Variants in CADM2 observed in about 807,000 individuals in gnomAD.
CADM2 encodes the protein immunoglobulin superfamily member 4D.
In CADM2, 12 loss-of-function variants were observed where a neutral mutation model predicts 49.8. That is an observed-to-expected ratio of 0.24 (90% CI 0.15 to 0.39). The LOEUF (loss-of-function observed/expected upper bound fraction) is 0.39, where lower values mean the gene tolerates loss of function less well. Ranked by LOEUF, CADM2 falls within the 10% of genes least tolerant of loss-of-function variation. The pLI, the probability that CADM2 is intolerant of heterozygous loss-of-function variation, is 1.00. For missense variants in CADM2, 378 were observed against 492.3 expected (o/e 0.77, Z 2.20); for synonymous variants, 214 against 175.4 (o/e 1.22, Z -1.74).
intron 1 of CADM2, among the ~76,000 whole-genome samples, chr3:85,129,277 A>G (rs2039147604): frequency 6.6e-6 from 1 of 152,146 alleles, no homozygotes; most frequent in Admixed American, 6.5e-5. Flanking sequence ...ATCCTCCTTA[A>G]ATAATAATCT....
chr3:85,133,323 C>A (rs1186856021), intron 1 of CADM2, among the ~76,000 whole-genome samples: 1 of 152,168 alleles, frequency 6.6e-6, no homozygotes, highest in Non-Finnish European at 1.5e-5. Context: ...ATTGGTAGAG[C>A]CCAGTGGTCT....
chr3:85,122,914 C>T (rs1385797494), intron 1 of CADM2, among the ~76,000 whole-genome samples: 1 of 152,046 alleles, frequency 6.6e-6, no homozygotes, highest in Non-Finnish European at 1.5e-5. Flanking sequence ...AGAAAAGCTT[C>T]CATTAAACCT....
chr3:85,554,551 GTAGA>G (rs2061899897), intron 1 of CADM2, among the ~76,000 whole-genome samples: 1 of 152,188 alleles, frequency 6.6e-6, no homozygotes, highest in Non-Finnish European at 1.5e-5. Context: ...TCAGCATTAA[GTAGA>G]GATGTACAGG....
chr3:85,647,393 G>A (rs1242882232), intron 1 of CADM2, among the ~76,000 whole-genome samples: 4 of 151,178 alleles, frequency 2.6e-5, no homozygotes, highest in African/African-American at 9.7e-5. Context: ...TATACTAGAT[G>A]CCAGGAGTTT....
At chr3:85,712,232 TTCTC>T (rs1397560122) in intron 1 of CADM2, among the ~76,000 whole-genome samples, 1 of 152,192 alleles carries the variant, frequency 6.6e-6, no homozygotes, top group East Asian at 1.9e-4. Flanking sequence ...CATATAGTCT[TTCTC>T]CTAAAATAGT....
Position 85,920,444 on chromosome 3 carries a change from T to G in CADM2, c.700+7901T>G, listed in dbSNP as rs573466809. 3.9e-5 allele frequency among the ~76,000 whole-genome samples: 6 copies of G among 151,978 alleles called. No homozygotes were observed. The East Asian group carries it at 1.2e-3, about 29-fold the overall frequency. The stretch of plus-strand genomic sequence containing the variant: ...TTTAGCCTAAGATATTTCAAAAAGC[T>G]ACTGAAATGGTATATATGCTAGAAT... On this transcript the variant is annotated intron_variant, in intron 6 of 9. Coordinates refer to ENST00000383699, the MANE Select transcript of CADM2 (RefSeq NM_001167675.2).
intron 8 of CADM2, among the ~76,000 whole-genome samples, chr3:86,063,809 A>C (rs1738980377): frequency 6.6e-6 from 1 of 151,998 alleles, no homozygotes. Flanking sequence ...CTTTACTTTC[A>C]CTGTCCGTTA....
intron 1 of CADM2, among the ~76,000 whole-genome samples, chr3:85,605,466 G>A (rs747646701): frequency 7.9e-5 from 12 of 151,940 alleles, no homozygotes; most frequent in Non-Finnish European, 1.5e-4. Flanking sequence ...GGGATTTTAG[G>A]GCTCGTATGG....
At chr3:85,376,950 A>C (rs954477311) in intron 1 of CADM2, among the ~76,000 whole-genome samples, 15 of 152,128 alleles carry the variant, frequency 9.9e-5, no homozygotes, top group Non-Finnish European at 1.8e-4. Flanking sequence ...AATTCCTTTA[A>C]GCAAATAAGT....
At chr3:85,651,940 C>T (rs536457111) in intron 1 of CADM2, among the ~76,000 whole-genome samples, 2 of 148,754 alleles carry the variant, frequency 1.3e-5, no homozygotes, top group East Asian at 3.9e-4. Context: ...GCCTTAGCCT[C>T]CCGAGTAGCT....
intron 8 of CADM2, among the ~76,000 whole-genome samples, chr3:85,997,124 A>T (rs1271191594): frequency 6.6e-6 from 1 of 152,214 alleles, no homozygotes; most frequent in Non-Finnish European, 1.5e-5. Context: ...CTAAAATGAA[A>T]GTGTTTTGTT....
intron 7 of CADM2, among the ~76,000 whole-genome samples, chr3:85,952,934 T>G (rs1463730302): frequency 6.6e-6 from 1 of 150,916 alleles, no homozygotes; most frequent in Non-Finnish European, 1.5e-5. Flanking sequence ...ATTTCATTTT[T>G]AAAGAAAGTC....
At chr3:85,396,176 A>C (rs944319274) in intron 1 of CADM2, among the ~76,000 whole-genome samples, 2 of 151,706 alleles carry the variant, frequency 1.3e-5, no homozygotes, top group Non-Finnish European at 2.9e-5. Context: ...GATTTTAAAT[A>C]TTTAACTGTT....
At position 85,249,910 on chromosome 3, in the gene CADM2, G is replaced by A. The variant is rs375807362; in HGVS notation, c.61+290242G>A. On this transcript the variant is annotated intron_variant, in intron 1 of 9. Coordinates refer to ENST00000383699, the MANE Select transcript of CADM2 (RefSeq NM_001167675.2). ...TGGAGCAGGAGAGTTAACTTGAAAC[G>A]GCCTCTATGAAAGATAATTGTTAAA... Among the ~76,000 whole-genome samples, 279 of 151,764 alleles carry A rather than the reference G, an allele frequency of 1.8e-3. 1 individual carries two copies. The highest frequency in any genetic ancestry group is 6.3e-3 in the African/African-American group (263 of 41,494).
At chr3:85,327,945 T>G (rs2044802259) in intron 1 of CADM2, among the ~76,000 whole-genome samples, 2 of 152,170 alleles carry the variant, frequency 1.3e-5, no homozygotes, top group African/African-American at 4.8e-5. Context: ...AGCTAAACCT[T>G]AAACATAATA....
At chr3:85,257,990 A>T (rs1328271529) in intron 1 of CADM2, among the ~76,000 whole-genome samples, 1 of 152,126 alleles carries the variant, frequency 6.6e-6, no homozygotes, top group African/African-American at 2.4e-5. Flanking sequence ...CCCATTTCAA[A>T]AATATACTTA....
intron 1 of CADM2, among the ~76,000 whole-genome samples, chr3:85,637,338 C>T: frequency 2.0e-5 from 3 of 151,504 alleles, no homozygotes. Context: ...CGCGGTGGCT[C>T]ACGCCTGTAA....
intron 1 of CADM2, among the ~76,000 whole-genome samples, chr3:85,200,536 T>A (rs2041468560): frequency 1.3e-5 from 2 of 151,930 alleles, no homozygotes; most frequent in Non-Finnish European, 2.9e-5. Context: ...CTAGGAGAGA[T>A]CAGTCATCAA....
intron 7 of CADM2, 31 bp from the exon 8 acceptor site, chr3:85,961,438 T>C (rs1724805519): frequency 2.0e-6 from 3 of 1,490,832 alleles, no homozygotes; most frequent in Non-Finnish European, 2.7e-6. Flanking sequence ...TTCTTATTTT[T>C]GCTATCTACA....
Sources: allele counts gnomAD v4.1 joint callset (sites outside exome capture counted in the v4.1 genomes callset), GRCh38; gene constraint gnomAD v4.1.1; transcripts MANE v1.5; gene names NCBI Gene and HGNC (gene_info 2026-07-23, HGNC 2026-07-21).